Variants in ELAPOR1 observed in about 807,000 individuals in gnomAD.
ELAPOR1 encodes endosome-lysosome associated apoptosis and autophagy regulator 1.
Under a neutral mutation model 119.7 loss-of-function variants are expected in ELAPOR1, and 77 were observed. The observed-to-expected ratio is 0.64, with a 90% CI of 0.54 to 0.78. The LOEUF (loss-of-function observed/expected upper bound fraction) is 0.78, where lower values mean the gene tolerates loss of function less well. ELAPOR1 is among the 30% of genes least tolerant of loss of function. ELAPOR1 has a pLI of 0.00. For missense variants in ELAPOR1, 1,115 were observed against 1,270.4 expected (o/e 0.88, Z 1.86); for synonymous variants, 481 against 487.2 (o/e 0.99, Z 0.17).
In ELAPOR1 at chr1:109,185,136, G is replaced by A. The variant is rs1558059557; in HGVS notation, c.1041+3G>A. 1.2e-6 allele frequency: 2 copies of A among 1,611,894 alleles called. No homozygotes were observed. On this transcript the variant is annotated splice_donor_region_variant and intron_variant, in intron 8 of 21. Transcript: ENST00000369939. The stretch of plus-strand genomic sequence containing the variant: ...CGGCCTGCGATGCCAACGGAGAGGT[G>A]GGTAGTACAGTCTTGGAGCCCCTTA...
intron 1 of ELAPOR1, among the ~76,000 whole-genome samples, chr1:109,128,433 C>G (rs770077666): frequency 6.6e-6 from 1 of 152,118 alleles, no homozygotes; most frequent in African/African-American, 2.4e-5. Context: ...CTTTGACCTC[C>G]CATCCCAATC....
At chr1:109,153,882 C>T (rs1238605232) in intron 1 of ELAPOR1, among the ~76,000 whole-genome samples, 1 of 151,994 alleles carries the variant, frequency 6.6e-6, no homozygotes, top group African/African-American at 2.4e-5. Context: ...ACCACTGTGC[C>T]CGGCCCAGAT....
At chr1:109,140,488 A>G (rs1180935146) in intron 1 of ELAPOR1, among the ~76,000 whole-genome samples, 2 of 152,334 alleles carry the variant, frequency 1.3e-5, no homozygotes, top group African/African-American at 2.4e-5. Flanking sequence ...TGCATTTTGT[A>G]TAGATCACTC....
At chr1:109,197,831 C>A in intron 16 of ELAPOR1, 148 bp from the exon 17 acceptor site, 1 of 977,256 alleles carries the variant, frequency 1.0e-6, no homozygotes, top group Non-Finnish European at 1.5e-6. Context: ...CCCAGGGACT[C>A]TGACAAACCC....
At chr1:109,140,141 G>A (rs1649737647) in intron 1 of ELAPOR1, among the ~76,000 whole-genome samples, 1 of 148,820 alleles carries the variant, frequency 6.7e-6, no homozygotes, top group South Asian at 2.1e-4. Flanking sequence ...TAACCAATGT[G>A]GTATATAACT....
chr1:109,142,963 T>G (rs1422015694), intron 1 of ELAPOR1, among the ~76,000 whole-genome samples: 1 of 152,164 alleles, frequency 6.6e-6, no homozygotes, highest in Non-Finnish European at 1.5e-5. Flanking sequence ...GGATTTTTTT[T>G]TTTTTTGAAG....
intron 7 of ELAPOR1, among the ~76,000 whole-genome samples, chr1:109,181,507 A>C (rs1652694798): frequency 6.6e-6 from 1 of 152,182 alleles, no homozygotes; most frequent in Non-Finnish European, 1.5e-5. Flanking sequence ...CTTAACAGGG[A>C]TCAGTGTGTA....
intron 1 of ELAPOR1, among the ~76,000 whole-genome samples, chr1:109,116,900 AG>A (rs1408375763): frequency 6.6e-6 from 1 of 152,152 alleles, no homozygotes. Context: ...CATGTTGGCC[AG>A]GGTGGTCTTG....
At chr1:109,190,943 C>T (rs1000772043) in intron 11 of ELAPOR1, among the ~76,000 whole-genome samples, 3 of 152,150 alleles carry the variant, frequency 2.0e-5, no homozygotes, top group African/African-American at 7.2e-5. Flanking sequence ...GCACACGAAT[C>T]GCCTGGGAAT....
Position 109,164,675 on chromosome 1 carries a change from A to G in ELAPOR1, c.451A>G (p.Thr151Ala). 1 of 1,613,868 alleles carries G rather than the reference A, an allele frequency of 6.2e-7. No individual in the cohort carries two copies. ...MELDDSAAES[T>A]GNCTSSKWVP... ...GCTGGATGACAGTGCTGCTGAGTCC[A>G]CCGGGAACTGTACTTCGTGAGTCTG... The change falls in exon 3 of 22, where the codon ACC becomes GCC. Residue 151 changes from threonine to alanine, a missense_variant. Transcript: ENST00000369939.
Position 109,191,948 on chromosome 1 carries a change from A to T in ELAPOR1, c.1683+85A>T, listed in dbSNP as rs532885741. On this transcript the variant is annotated intron_variant, in intron 13 of 21. Transcript: ENST00000369939. ...TAGCATTAGCTTAAGTATGAGTGTGAAGTTCAGAATCTGAGGGTTAGAAGG... is the reference window on the plus strand; with the variant it reads ...TAGCATTAGCTTAAGTATGAGTGTGTAGTTCAGAATCTGAGGGTTAGAAGG... 3.3e-6 allele frequency: 5 copies of T among 1,514,228 alleles called. No individual in the cohort carries two copies. In the East Asian group the frequency reaches 6.8e-5, roughly 21 times the overall value. 93.8% of individuals were successfully genotyped at this position (1,514,228 alleles called of 1,614,324 possible).
intron 7 of ELAPOR1, among the ~76,000 whole-genome samples, chr1:109,178,949 A>G (rs1652521502): frequency 6.9e-6 from 1 of 144,556 alleles, no homozygotes; most frequent in Non-Finnish European, 1.5e-5. Context: ...TGGGTGACAG[A>G]ATAATACTGT....
intron 7 of ELAPOR1, among the ~76,000 whole-genome samples, chr1:109,174,140 G>C (rs1243844591): frequency 1.3e-5 from 2 of 150,930 alleles, no homozygotes; most frequent in African/African-American, 4.9e-5. Context: ...AGCCTCCTGA[G>C]TAGCTAAGAC....
At chr1:109,122,760 C>G (rs1196342631) in intron 1 of ELAPOR1, among the ~76,000 whole-genome samples, 1 of 152,110 alleles carries the variant, frequency 6.6e-6, no homozygotes, top group Admixed American at 6.6e-5. Context: ...GGTTTGAGAC[C>G]AGCCTGGGCA....
At chr1:109,118,121 C>G (rs1187584525) in intron 1 of ELAPOR1, among the ~76,000 whole-genome samples, 1 of 150,174 alleles carries the variant, frequency 6.7e-6, no homozygotes, top group Non-Finnish European at 1.5e-5. Context: ...GAATGAAACT[C>G]CGTCTCAAAA....
chr1:109,178,215 C>T (rs1187946562), intron 7 of ELAPOR1, among the ~76,000 whole-genome samples: 1 of 152,014 alleles, frequency 6.6e-6, no homozygotes, highest in African/African-American at 2.4e-5. Flanking sequence ...TTCACCATCT[C>T]GGCCAGCCTG....
At position 109,161,996 on chromosome 1, in the gene ELAPOR1, A is replaced by G. The variant is rs678238; in HGVS notation, c.256A>G (p.Ile86Val). ...CCTGTGCACCAGCCTGCCTGACCCC[A>G]TCAAGGGCACCGAGTGCTGTAAGCA... ...PGLCTSLPDP[I>V]KGTECSFSCN... The change falls in exon 2 of 22, where the codon ATC (isoleucine) becomes GTC (valine). Residue 86 changes from isoleucine (I) to valine (V), a missense_variant. Physicochemically the swap from Ile to Val is conservative, Grantham distance 29. Transcript: ENST00000369939. 1 allele frequency: 1,611,836 copies of G among 1,612,962 alleles called. 805,364 individuals carry two copies. Among genetic ancestry groups the G allele is most frequent in the Middle Eastern group, 1 (6,060 of 6,060 alleles).
intron 1 of ELAPOR1, among the ~76,000 whole-genome samples, chr1:109,144,631 A>G (rs1650068288): frequency 6.6e-6 from 1 of 152,036 alleles, no homozygotes; most frequent in Non-Finnish European, 1.5e-5. Flanking sequence ...AATCCCAGCT[A>G]CTCGGGAGGC....
intron 1 of ELAPOR1, among the ~76,000 whole-genome samples, chr1:109,115,948 G>A (rs1647969542): frequency 6.6e-6 from 1 of 152,172 alleles, no homozygotes; most frequent in Non-Finnish European, 1.5e-5. Flanking sequence ...CCAAAATAAT[G>A]AGACCAAGAA....
Sources: gnomAD v4.1 joint callset for allele counts (sites outside exome capture counted in the v4.1 genomes callset) on GRCh38, gnomAD v4.1.1 for gene constraint, MANE v1.5 for transcripts, NCBI Gene and HGNC (gene_info 2026-07-23, HGNC 2026-07-21) for gene names.